The following TMTC1 variants were observed in gnomAD, a reference collection of about 807,000 sequenced individuals.
TMTC1 encodes transmembrane O-mannosyltransferase targeting cadherins 1.
In TMTC1, 73 loss-of-function variants were observed where a neutral mutation model predicts 104.8. That is an observed-to-expected ratio of 0.70 (90% CI 0.58 to 0.85). The LOEUF is 0.85. TMTC1 is among the 40% of genes least tolerant of loss of function. The pLI is 0.00. For missense variants in TMTC1, 1,035 were observed against 1,096.1 expected, an observed-to-expected ratio of 0.94 and a Z score of 0.79; for synonymous variants, 434 against 428.7, an observed-to-expected ratio of 1.01 and a Z score of -0.15.
chr12:29,594,547 G>C (rs1299464926), intron 7 of TMTC1, among the ~76,000 whole-genome samples: 2 of 152,238 alleles, frequency 1.3e-5, no homozygotes, highest in African/African-American at 4.8e-5. Context: ...TGCTAAAAGA[G>C]TAAGGAGGAT....
chr12:29,563,511 C>A (rs978054200), intron 9 of TMTC1, among the ~76,000 whole-genome samples: 1 of 151,986 alleles, frequency 6.6e-6, no homozygotes, highest in African/African-American at 2.4e-5. Context: ...GTTTTGAATA[C>A]CCACTGCAGG....
chr12:29,518,426 G>A (rs1183229913), intron 13 of TMTC1, 46 bp downstream of exon 13: 2 of 1,594,612 alleles, frequency 1.3e-6, no homozygotes, highest in East Asian at 4.5e-5. Flanking sequence ...ATGAGTGATT[G>A]CTGAGGTTCC....
intron 2 of TMTC1, among the ~76,000 whole-genome samples, chr12:29,765,935 C>T (rs778006542): frequency 3.3e-5 from 5 of 152,144 alleles, no homozygotes; most frequent in Non-Finnish European, 7.4e-5. Flanking sequence ...AATGATCTAC[C>T]AACAGACAGT....
intron 8 of TMTC1, among the ~76,000 whole-genome samples, chr12:29,579,586 G>C (rs1215001102): frequency 6.6e-6 from 1 of 152,160 alleles, no homozygotes; most frequent in Admixed American, 6.5e-5. Flanking sequence ...ATCCTGAGCT[G>C]GATGCGAAAG....
At chr12:29,681,621 C>T (rs763256839) in intron 5 of TMTC1, among the ~76,000 whole-genome samples, 1 of 152,074 alleles carries the variant, frequency 6.6e-6, no homozygotes, top group Non-Finnish European at 1.5e-5. Flanking sequence ...TCATAGGGCA[C>T]AGTCAGCAAA....
At chr12:29,591,747 G>A (rs1946286206) in intron 7 of TMTC1, among the ~76,000 whole-genome samples, 1 of 152,158 alleles carries the variant, frequency 6.6e-6, no homozygotes, top group Non-Finnish European at 1.5e-5. Flanking sequence ...ATGCACATTC[G>A]AAGAGAATTT....
intron 5 of TMTC1, among the ~76,000 whole-genome samples, chr12:29,742,924 T>C (rs1942864318): frequency 6.6e-6 from 1 of 152,204 alleles, no homozygotes; most frequent in African/African-American, 2.4e-5. Flanking sequence ...CTTTCCTTCA[T>C]TAACACAGCA....
At position 29,755,821 on chromosome 12, in the gene TMTC1, G is replaced by T; in HGVS notation, c.619C>A (p.Leu207Ile). The T allele has an allele frequency of 6.2e-7, 1 of 1,614,166 alleles. No homozygotes were observed. Among genetic ancestry groups the T allele is most frequent in the Admixed American group, 1.7e-5 (1 of 60,028 alleles). Reference sequence around the variant, plus strand: ...GCACAGGTCCCCAGAAACAAACTGAGCAGCAAGAAGAAGGGAGACACCGTG... The same window carrying T: ...GCACAGGTCCCCAGAAACAAACTGATCAGCAAGAAGAAGGGAGACACCGTG... Reference protein sequence around the residue: ...PSTVSPFFLLLSLFLGTCAML... With the variant: ...PSTVSPFFLLISLFLGTCAML... The change falls in exon 4 of 18, where the codon CTC becomes ATC. Residue 207 changes from leucine (L) to isoleucine (I), a missense_variant. Coordinates refer to ENST00000539277, the MANE Select transcript of TMTC1 (RefSeq NM_001193451.2).
chr12:29,585,403 T>G (rs2136336328), intron 7 of TMTC1, among the ~76,000 whole-genome samples: 1 of 152,356 alleles, frequency 6.6e-6, no homozygotes, highest in Middle Eastern at 3.4e-3. Flanking sequence ...CTGTTTACTC[T>G]GATGGTAGTT....
chr12:29,705,827 ACTAGGTCTAGC>A (rs1941724922), intron 5 of TMTC1, among the ~76,000 whole-genome samples: 1 of 152,050 alleles, frequency 6.6e-6, no homozygotes, highest in African/African-American at 2.4e-5. Context: ...CCTCCCCTAC[ACTAGGTCTAGC>A]CTGCCCTAAA....
intron 5 of TMTC1, among the ~76,000 whole-genome samples, chr12:29,723,296 G>A (rs1037952663): frequency 7.9e-5 from 12 of 152,034 alleles, no homozygotes; most frequent in African/African-American, 2.2e-4. Flanking sequence ...TAATAAAACA[G>A]CAAAGTTTCA....
intron 5 of TMTC1, among the ~76,000 whole-genome samples, chr12:29,724,970 A>G (rs1461851751): frequency 2.0e-5 from 3 of 151,298 alleles, no homozygotes; most frequent in Non-Finnish European, 4.4e-5. Context: ...ATTACAAATG[A>G]TAACCAAAAA....
At chr12:29,666,228 C>CTTTTTTTTTTTTTT in intron 5 of TMTC1, 19 of 365,790 alleles carry the variant, frequency 5.2e-5, no homozygotes, top group East Asian at 1.6e-4. Context: ...TTTCTTTTTT[C>CTTTTTTTTTTTTTT]TTTTTTTTTT....
At chr12:29,723,414 A>G (rs1389232680) in intron 5 of TMTC1, among the ~76,000 whole-genome samples, 1 of 152,168 alleles carries the variant, frequency 6.6e-6, no homozygotes, top group Non-Finnish European at 1.5e-5. Flanking sequence ...AGCATGGAAG[A>G]CAGAGGAACA....
rs922588347 is a variant in TMTC1 at position 29,569,080 on chromosome 12, T to C, written c.1532+3025A>G. 33 of 437,698 alleles carry C rather than the reference T, an allele frequency of 7.5e-5. No individual in the cohort carries two copies. The Admixed American group carries it at 7.8e-4, about 10-fold the overall frequency. 27.1% of individuals were successfully genotyped at this position (437,698 alleles called of 1,614,324 possible). A position where few individuals can be genotyped will look rare whatever the true frequency, so the allele number is the denominator to read the frequency against. On this transcript the variant is annotated intron_variant, in intron 9 of 17. Coordinates refer to ENST00000539277, the MANE Select transcript of TMTC1 (RefSeq NM_001193451.2). The stretch of plus-strand genomic sequence containing the variant: ...ATTTAAGAAAAGGGTTTTGACATTT[T>C]TCTTTGATGATTTGAATCTTAAACT...
At chr12:29,632,276 T>C (rs947431992) in intron 6 of TMTC1, among the ~76,000 whole-genome samples, 1 of 152,054 alleles carries the variant, frequency 6.6e-6, no homozygotes, top group Non-Finnish European at 1.5e-5. Context: ...AGTAGCAGTT[T>C]TTCATAAGCA....
At chr12:29,718,804 G>C (rs759882775) in intron 5 of TMTC1, among the ~76,000 whole-genome samples, 1 of 151,998 alleles carries the variant, frequency 6.6e-6, no homozygotes, top group Non-Finnish European at 1.5e-5. Context: ...GTGGTGACGG[G>C]TGCCTGTAGT....
At chr12:29,574,122 C>A (rs1945756964) in intron 8 of TMTC1, among the ~76,000 whole-genome samples, 1 of 152,122 alleles carries the variant, frequency 6.6e-6, no homozygotes, top group African/African-American at 2.4e-5. Flanking sequence ...GCAGAGGTGG[C>A]AGGTGGCAGG....
chr12:29,540,733 G>A (rs960551576), intron 10 of TMTC1, among the ~76,000 whole-genome samples: 9 of 152,144 alleles, frequency 5.9e-5, no homozygotes, highest in Middle Eastern at 6.8e-3. Context: ...GCTCACGCCT[G>A]TATGTAATCC....
Sources: allele counts gnomAD v4.1 joint callset (sites outside exome capture counted in the v4.1 genomes callset), GRCh38; gene constraint gnomAD v4.1.1; transcripts MANE v1.5; gene names NCBI Gene and HGNC (gene_info 2026-07-23, HGNC 2026-07-21).